UBE2E3: variants seen among roughly 807,000 people sequenced by gnomAD.
UBE2E3 encodes ubiquitin conjugating enzyme E2 E3.
Under a neutral mutation model 23.6 loss-of-function variants are expected in UBE2E3, and 5 were observed. The ratio of observed to expected loss-of-function variants is 0.21; its 90% CI spans 0.11 to 0.44. The LOEUF (loss-of-function observed/expected upper bound fraction) is 0.44, where lower values mean the gene tolerates loss of function less well. UBE2E3 is among the 20% of genes least tolerant of loss of function. UBE2E3 has a pLI of 0.99. For missense variants in UBE2E3, 81 were observed against 249.8 expected, an observed-to-expected ratio of 0.32 and a Z score of 4.55; for synonymous variants, 78 against 87.5, an observed-to-expected ratio of 0.89 and a Z score of 0.60.
intron 3 of UBE2E3, among the ~76,000 whole-genome samples, chr2:181,030,881 T>G (rs112161238): frequency 6.6e-6 from 1 of 152,172 alleles, no homozygotes; most frequent in African/African-American, 2.4e-5. Context: ...TTTCTATGTT[T>G]TATTAGTCTT....
chr2:180,986,014 A>G (rs1684456488), intron 3 of UBE2E3, among the ~76,000 whole-genome samples: 1 of 152,106 alleles, frequency 6.6e-6, no homozygotes, highest in African/African-American at 2.4e-5. Context: ...AGGAGGTTTC[A>G]CTTGTCTTTC....
intron 3 of UBE2E3, among the ~76,000 whole-genome samples, chr2:181,014,157 A>C (rs1330940209): frequency 6.6e-6 from 1 of 152,168 alleles, no homozygotes; most frequent in Non-Finnish European, 1.5e-5. Flanking sequence ...CCATATTCGG[A>C]GATAGGAAAT....
At chr2:181,051,323 G>A (rs1291619634) in intron 3 of UBE2E3, among the ~76,000 whole-genome samples, 1 of 151,652 alleles carries the variant, frequency 6.6e-6, no homozygotes, top group African/African-American at 2.4e-5. Flanking sequence ...GGTAGACATA[G>A]TGGTTTTATG....
chr2:181,058,530 C>T (rs552836552), intron 4 of UBE2E3, among the ~76,000 whole-genome samples: 5 of 151,794 alleles, frequency 3.3e-5, no homozygotes, highest in African/African-American at 1.2e-4. Flanking sequence ...AGGTAAAAAC[C>T]ACTGGAATTA....
chr2:181,037,401 C>T (rs1410774564), intron 3 of UBE2E3, among the ~76,000 whole-genome samples: 1 of 151,978 alleles, frequency 6.6e-6, no homozygotes, highest in Non-Finnish European at 1.5e-5. Flanking sequence ...TATGTTATTG[C>T]TCATGAGGAC....
At chr2:181,018,052 A>G (rs1255328269) in intron 3 of UBE2E3, among the ~76,000 whole-genome samples, 1 of 150,940 alleles carries the variant, frequency 6.6e-6, no homozygotes, top group Non-Finnish European at 1.5e-5. Flanking sequence ...TGTATTTTTA[A>G]CCTAGCTCTA....
intron 3 of UBE2E3, among the ~76,000 whole-genome samples, chr2:181,022,696 C>T (rs1574192284): frequency 6.8e-6 from 1 of 146,420 alleles, no homozygotes; most frequent in East Asian, 2.0e-4. Flanking sequence ...CACAAAAATG[C>T]AAAAAGCATG....
At chr2:181,011,486 C>A (rs1685325775) in intron 3 of UBE2E3, among the ~76,000 whole-genome samples, 1 of 152,084 alleles carries the variant, frequency 6.6e-6, no homozygotes, top group Non-Finnish European at 1.5e-5. Flanking sequence ...GCAGTCAAAT[C>A]TCAGCCTGAG....
At position 181,008,325 on chromosome 2, in the gene UBE2E3, A is replaced by C. The variant is rs913520585; in HGVS notation, c.245+24232A>C. Among the ~76,000 whole-genome samples the C allele has an allele frequency of 4.6e-5, 7 of 152,324 alleles. No homozygotes were observed. In the East Asian group the frequency reaches 1.3e-3, roughly 29 times the overall value. ...AAGCAGCCTTATGAATGTTATCCTC[A>C]TTTTGAGGTGAGAAAACTGAGGTAC... On this transcript the variant is annotated intron_variant, in intron 3 of 5. Transcript: ENST00000410062.
chr2:180,987,013 GT>G (rs1684492690), intron 3 of UBE2E3, among the ~76,000 whole-genome samples: 1 of 152,154 alleles, frequency 6.6e-6, no homozygotes, highest in African/African-American at 2.4e-5. Context: ...CTTTATACAT[GT>G]TTTAATATAT....
intron 3 of UBE2E3, among the ~76,000 whole-genome samples, chr2:181,040,837 G>A (rs1261427204): frequency 1.3e-5 from 2 of 152,196 alleles, no homozygotes; most frequent in Non-Finnish European, 2.9e-5. Context: ...GATCCAGAGA[G>A]TTAGACTGTG....
At chr2:181,016,716 T>G (rs553158821) in intron 3 of UBE2E3, among the ~76,000 whole-genome samples, 1 of 152,364 alleles carries the variant, frequency 6.6e-6, no homozygotes, top group South Asian at 2.1e-4. Flanking sequence ...ACGACTATTA[T>G]GATTTACTAG....
chr2:180,997,000 ACT>A (rs1170505672), intron 3 of UBE2E3, among the ~76,000 whole-genome samples: 1 of 151,290 alleles, frequency 6.6e-6, no homozygotes, highest in African/African-American at 2.4e-5. Context: ...TAAATATGTG[ACT>A]CTGTGTATCC....
chr2:180,994,910 G>A (rs928509257), intron 3 of UBE2E3, among the ~76,000 whole-genome samples: 1 of 152,132 alleles, frequency 6.6e-6, no homozygotes, highest in African/African-American at 2.4e-5. Flanking sequence ...GACCACACAT[G>A]GTGCCATTTG....
chr2:180,990,420 G>C (rs1684621115), intron 3 of UBE2E3, among the ~76,000 whole-genome samples: 6 of 152,122 alleles, frequency 3.9e-5, no homozygotes, highest in Admixed American at 3.9e-4. Context: ...TGAATAGTTT[G>C]CTTTTGACTG....
chr2:180,982,794 T>C (rs548690324), intron 2 of UBE2E3, among the ~76,000 whole-genome samples: 25 of 152,354 alleles, frequency 1.6e-4, no homozygotes, highest in African/African-American at 6.0e-4. Flanking sequence ...GGTTAAATTA[T>C]GATTATCCCT....
At position 181,047,952 on chromosome 2, in the gene UBE2E3, C is replaced by T. The variant is rs182253239; in HGVS notation, c.246-9741C>T. Among the ~76,000 whole-genome samples the T allele has an allele frequency of 5.1e-3, 717 of 141,748 alleles. 7 individuals are homozygous for T. Among genetic ancestry groups the T allele is most frequent in the African/African-American group, 0.016 (661 of 40,090 alleles). The allele number at this position is 141,748 out of a possible 152,430, so 93.0% of individuals were successfully genotyped here. On this transcript the variant is annotated intron_variant, in intron 3 of 5. Transcript: ENST00000410062. Reference sequence around the variant, plus strand: ...TTTGTTACAGCTTCCCTCATTAGGTCGTTTCATTGTACTTCCCATGTTCTC... The same window carrying T: ...TTTGTTACAGCTTCCCTCATTAGGTTGTTTCATTGTACTTCCCATGTTCTC...
In UBE2E3 at chr2:181,032,058, A is replaced by C. The variant is rs1285232473; in HGVS notation, c.246-25635A>C. On this transcript the variant is annotated intron_variant, in intron 3 of 5. Transcript: ENST00000410062. ...GAGGTGCTCCATTAGGAAAATCTAG[A>C]AACCAAAAACTGTGGATAATCACTT... Among the ~76,000 whole-genome samples the C allele has an allele frequency of 2.0e-5, 3 of 152,168 alleles. No individual in the cohort carries two copies. The East Asian group carries it at 5.8e-4, about 29-fold the overall frequency.
At chr2:181,026,378 C>A (rs1685885128) in intron 3 of UBE2E3, among the ~76,000 whole-genome samples, 1 of 151,468 alleles carries the variant, frequency 6.6e-6, no homozygotes, top group Non-Finnish European at 1.5e-5. Context: ...CATTTCCATT[C>A]CCTTAACAAA....
Sources: gnomAD v4.1 joint callset for allele counts (sites outside exome capture counted in the v4.1 genomes callset) on GRCh38, gnomAD v4.1.1 for gene constraint, MANE v1.5 for transcripts, NCBI Gene and HGNC (gene_info 2026-07-23, HGNC 2026-07-21) for gene names.